The following VOPP1 variants were observed in gnomAD, a reference collection of about 807,000 sequenced individuals.
VOPP1 encodes VOPP1 WW domain binding protein.
Under a neutral mutation model 23.5 loss-of-function variants are expected in VOPP1, and 8 were observed. The ratio of observed to expected loss-of-function variants is 0.34; its 90% CI spans 0.20 to 0.61. The LOEUF (loss-of-function observed/expected upper bound fraction) is 0.61. Ranked by LOEUF, VOPP1 falls within the 20% of genes least tolerant of loss-of-function variation. The probability of loss-of-function intolerance (pLI) is 0.78; values close to 1 mark genes in which losing one functional copy is unlikely to be tolerated. For missense variants in VOPP1, 174 were observed against 238.1 expected (o/e 0.73, Z 1.77); for synonymous variants, 83 against 97.3 (o/e 0.85, Z 0.86).
chr7:55,498,442 GA>G (rs1794132549), intron 2 of VOPP1, among the ~76,000 whole-genome samples: 1 of 1,988 alleles, frequency 5.0e-4, no homozygotes, highest in Non-Finnish European at 1.4e-3. Flanking sequence ...ATGGGCAGGT[GA>G]GGCACTCAGG....
At chr7:55,453,882 T>A (rs1791302449) in intron 4 of VOPP1, among the ~76,000 whole-genome samples, 1 of 152,210 alleles carries the variant, frequency 6.6e-6, no homozygotes, top group Non-Finnish European at 1.5e-5. Context: ...GTGCCTGTAA[T>A]ATGAATGTAC....
At chr7:55,538,183 G>A (rs927736001) in intron 1 of VOPP1, among the ~76,000 whole-genome samples, 2 of 152,190 alleles carry the variant, frequency 1.3e-5, no homozygotes, top group African/African-American at 4.8e-5. Flanking sequence ...TCTGGAACAC[G>A]AAGTATTGCA....
intron 1 of VOPP1, among the ~76,000 whole-genome samples, chr7:55,555,469 C>T (rs1213427246): frequency 6.6e-6 from 1 of 152,206 alleles, no homozygotes; most frequent in African/African-American, 2.4e-5. Flanking sequence ...GTAAAATGAG[C>T]GGCAACATGT....
intron 2 of VOPP1, among the ~76,000 whole-genome samples, chr7:55,510,194 C>G (rs1311366340): frequency 6.6e-6 from 1 of 152,206 alleles, no homozygotes; most frequent in East Asian, 1.9e-4. Context: ...TATATGTCTA[C>G]CTGTAAGTGT....
At position 55,456,804 on chromosome 7, in the gene VOPP1, TG is replaced by T. The variant is rs374549855; in HGVS notation, n.418-20631del. On this transcript the variant is annotated intron_variant and non_coding_transcript_variant, in intron 4 of 4. Coordinates refer to the VOPP1 transcript ENST00000462326. The stretch of plus-strand genomic sequence containing the variant: ...TCACACACCAGGGCCTGTCGGGGGA[TG>T]GGGGTCTAGGGGAGGGATGGCATTA... Among the ~76,000 whole-genome samples the T allele has an allele frequency of 2.6e-4, 40 of 151,970 alleles. No individual in the cohort carries two copies. In the East Asian group the frequency reaches 4.5e-3, roughly 17 times the overall value.
intron 1 of VOPP1, among the ~76,000 whole-genome samples, chr7:55,538,146 A>G (rs1369025035): frequency 2.6e-5 from 4 of 152,220 alleles, no homozygotes; most frequent in Non-Finnish European, 5.9e-5. Context: ...GATCCCCTCT[A>G]GAGACCGCTC....
intron 1 of VOPP1, among the ~76,000 whole-genome samples, chr7:55,523,693 C>G (rs959150197): frequency 2.0e-5 from 3 of 152,186 alleles, no homozygotes; most frequent in Admixed American, 2.0e-4. Flanking sequence ...ATAAAACTTC[C>G]AAACTTCTCT....
intron 4 of VOPP1, among the ~76,000 whole-genome samples, chr7:55,449,724 G>A (rs1329300249): frequency 1.3e-5 from 2 of 152,102 alleles, no homozygotes; most frequent in African/African-American, 2.4e-5. Context: ...TGGGAGAGGA[G>A]AGCAGCGAGC....
chr7:55,479,539 T>G (rs1583859299), intron 4 of VOPP1, among the ~76,000 whole-genome samples: 1 of 152,210 alleles, frequency 6.6e-6, no homozygotes, highest in East Asian at 1.9e-4. Flanking sequence ...AGGTAAGTAC[T>G]GATGATAAAC....
chr7:55,523,756 C>T (rs1178973500), intron 1 of VOPP1, among the ~76,000 whole-genome samples: 1 of 152,146 alleles, frequency 6.6e-6, no homozygotes, highest in Non-Finnish European at 1.5e-5. Context: ...GACTGCAATG[C>T]TCACTTCCTA....
chr7:55,542,161 G>C (rs1368111280), intron 1 of VOPP1, among the ~76,000 whole-genome samples: 1 of 151,982 alleles, frequency 6.6e-6, no homozygotes, highest in Non-Finnish European at 1.5e-5. Context: ...ACATATTTAT[G>C]GGCTACACAT....
rs536574016 is a variant in VOPP1 at position 55,489,310 on chromosome 7, CG to C, written c.328+2971del. ...CCTGCAAGAAGTATAAAATGAAAAA[CG>C]GATGGCAAACCAAGTCTACATTTTG... On this transcript the variant is annotated intron_variant, in intron 4 of 4. Coordinates refer to ENST00000285279, the MANE Select transcript of VOPP1 (RefSeq NM_030796.5). 5.0e-3 allele frequency among the ~76,000 whole-genome samples: 757 copies of C among 152,302 alleles called. 8 individuals carry two copies. The highest frequency in any genetic ancestry group is 0.01 in the Middle Eastern group (3 of 294).
chr7:55,514,383 GC>G (rs1344097707), intron 2 of VOPP1, among the ~76,000 whole-genome samples: 2 of 152,174 alleles, frequency 1.3e-5, no homozygotes, highest in Non-Finnish European at 2.9e-5. Context: ...TTGGACATTT[GC>G]CCAAGATCAC....
At chr7:55,501,585 G>A (rs557456561) in intron 2 of VOPP1, among the ~76,000 whole-genome samples, 1 of 152,330 alleles carries the variant, frequency 6.6e-6, no homozygotes, top group East Asian at 1.9e-4. Flanking sequence ...AATGGCTTTA[G>A]TCAAATGGCT....
intron 1 of VOPP1, among the ~76,000 whole-genome samples, chr7:55,559,828 A>C (rs1047580657): frequency 6.6e-6 from 1 of 152,182 alleles, no homozygotes; most frequent in Admixed American, 6.5e-5. Context: ...TCAGCCCCAC[A>C]GAAGAACCTC....
At chr7:55,446,240 A>G (rs527988536) in intron 4 of VOPP1, among the ~76,000 whole-genome samples, 4 of 152,100 alleles carry the variant, frequency 2.6e-5, no homozygotes, top group South Asian at 2.1e-4. Context: ...TGATCTGCCC[A>G]CCTCGGCCTC....
chr7:55,551,452 T>G (rs903699065), intron 1 of VOPP1, among the ~76,000 whole-genome samples: 4 of 152,218 alleles, frequency 2.6e-5, no homozygotes, highest in African/African-American at 9.6e-5. Context: ...CCCCAAAGCA[T>G]GCCTCGAAAG....
chr7:55,448,948 G>T (rs1334108810), intron 4 of VOPP1, among the ~76,000 whole-genome samples: 1 of 152,218 alleles, frequency 6.6e-6, no homozygotes, highest in Non-Finnish European at 1.5e-5. Flanking sequence ...ACTGAGATGC[G>T]ATGTAATCCT....
At position 55,572,434 on chromosome 7, in the gene VOPP1, C is replaced by G. The variant is rs918040029; in HGVS notation, c.-110G>C. On this transcript the variant is annotated 5_prime_UTR_variant, in exon 1 of 5. Coordinates refer to ENST00000285279, the MANE Select transcript of VOPP1 (RefSeq NM_030796.5). ...AGACTGCAGCCGGGAGCCGTCCCGC[C>G]GACCGCTGGGGGGCCCGGCTGGGAG... 1.7e-4 allele frequency: 133 copies of G among 794,680 alleles called. 1 individual carries two copies. In the African/African-American group the frequency reaches 2.2e-3, roughly 13 times the overall value. The allele number at this position is 794,680 out of a possible 1,614,324, so 49.2% of individuals were successfully genotyped here.
Sources: gnomAD v4.1 joint callset for allele counts (sites outside exome capture counted in the v4.1 genomes callset) on GRCh38, gnomAD v4.1.1 for gene constraint, MANE v1.5 for transcripts, NCBI Gene and HGNC (gene_info 2026-07-23, HGNC 2026-07-21) for gene names.